KIFAP3: variants seen among roughly 807,000 people sequenced by gnomAD.
The protein encoded by KIFAP3 is kinesin associated protein 3.
A neutral mutation model predicts 106.5 loss-of-function variants in KIFAP3; 68 were observed. That is an observed-to-expected ratio of 0.64 (90% CI 0.53 to 0.78). The LOEUF (loss-of-function observed/expected upper bound fraction) is 0.78, where lower values mean the gene tolerates loss of function less well. Among genes scored for constraint, KIFAP3 ranks in the 30% least tolerant of loss-of-function variants. The probability of loss-of-function intolerance (pLI) is 0.00; values close to 1 mark genes in which losing one functional copy is unlikely to be tolerated. For synonymous variants in KIFAP3, 320 were observed against 311.5 expected (o/e 1.03, Z -0.29); for missense variants, 780 against 941.8 (o/e 0.83, Z 2.25).
chr1:169,978,277 A>T, intron 15 of KIFAP3, 94 bp from the exon 16 acceptor site: 1 of 785,280 alleles, frequency 1.3e-6, no homozygotes, highest in East Asian at 2.7e-5. Flanking sequence ...AGAAAAACTA[A>T]AAGTGATAAG....
At chr1:169,932,172 T>C (rs1264757451) in intron 19 of KIFAP3, among the ~76,000 whole-genome samples, 4 of 152,164 alleles carry the variant, frequency 2.6e-5, no homozygotes, top group African/African-American at 9.7e-5. Flanking sequence ...AGCTAAACTT[T>C]CCAATTTGCT....
At chr1:170,065,137 A>G (rs1385029125) in intron 1 of KIFAP3, among the ~76,000 whole-genome samples, 1 of 152,130 alleles carries the variant, frequency 6.6e-6, no homozygotes, top group African/African-American at 2.4e-5. Flanking sequence ...ACTCCTCTGT[A>G]GTTTTTACAG....
intron 17 of KIFAP3, among the ~76,000 whole-genome samples, chr1:169,969,951 T>C (rs1191746027): frequency 1.3e-5 from 2 of 152,018 alleles, no homozygotes; most frequent in Non-Finnish European, 2.9e-5. Context: ...TAAACATGTA[T>C]TAAATGTCTG....
intron 8 of KIFAP3, among the ~76,000 whole-genome samples, chr1:170,031,209 T>C (rs979446471): frequency 1.3e-5 from 2 of 151,764 alleles, no homozygotes; most frequent in African/African-American, 2.4e-5. Flanking sequence ...TTGAACTAAA[T>C]TACTTGGCTT....
intron 2 of KIFAP3, among the ~76,000 whole-genome samples, 176 bp downstream of exon 2, chr1:170,055,129 C>T (rs967373832): frequency 3.3e-5 from 5 of 152,150 alleles, no homozygotes; most frequent in African/African-American, 1.2e-4. Context: ...CTCATTTTTT[C>T]CTAGGATTAA....
chr1:170,066,406 T>C (rs980357778), intron 1 of KIFAP3, among the ~76,000 whole-genome samples: 3 of 152,128 alleles, frequency 2.0e-5, no homozygotes, highest in African/African-American at 7.2e-5. Flanking sequence ...GACTTGGTAA[T>C]AGAGAAACAG....
rs144607867 is a variant in KIFAP3 at position 169,973,780 on chromosome 1, A to T, written c.1898-1182T>A. Among the ~76,000 whole-genome samples, 26 of 151,970 alleles carry T rather than the reference A, an allele frequency of 1.7e-4. No homozygotes were observed. In the East Asian group the frequency reaches 4.4e-3, roughly 26 times the overall value. The stretch of plus-strand genomic sequence containing the variant: ...AAAGAGAAAAAATAGTTATTTTCAG[A>T]TAAAGACATTTATTATCCATAGATA... On this transcript the variant is annotated intron_variant, in intron 16 of 19. Transcript: ENST00000361580.
In KIFAP3 at chr1:170,003,122, A is replaced by G. The variant is rs994595746; in HGVS notation, c.1184-10867T>C. ...AAAAATGAAATTAAACAAAAGATAT[A>G]TAAAATAGAAGATGCAAATTTTTAT... On this transcript the variant is annotated intron_variant, in intron 10 of 19. Transcript: ENST00000361580. Among the ~76,000 whole-genome samples, 6 of 152,348 alleles carry G rather than the reference A, an allele frequency of 3.9e-5. No individual in the cohort carries two copies. In the East Asian group the frequency reaches 1.2e-3, roughly 29 times the overall value.
At chr1:169,954,585 C>T (rs576688062) in intron 18 of KIFAP3, among the ~76,000 whole-genome samples, 24 of 151,984 alleles carry the variant, frequency 1.6e-4, no homozygotes, top group Non-Finnish European at 2.5e-4. Context: ...ATCAGATATA[C>T]CAAATAAAAT....
At chr1:169,943,782 A>G (rs1664267914) in intron 19 of KIFAP3, among the ~76,000 whole-genome samples, 1 of 152,202 alleles carries the variant, frequency 6.6e-6, no homozygotes. Flanking sequence ...TGTGAAAAGT[A>G]TATGACGTTT....
chr1:169,928,715 A>AAAAAAAAAAAAAAAAAAAAAAAAG (rs1663290062), intron 19 of KIFAP3, among the ~76,000 whole-genome samples: 1 of 150,404 alleles, frequency 6.6e-6, no homozygotes, highest in African/African-American at 2.4e-5. Flanking sequence ...AAAAAAAAAA[A>AAAAAAAAAAAAAAAAAAAAAAAAG]AAAAAATTAA....
At chr1:170,016,212 AC>A (rs756262683) in intron 10 of KIFAP3, among the ~76,000 whole-genome samples, 8 of 152,012 alleles carry the variant, frequency 5.3e-5, no homozygotes, top group South Asian at 2.1e-4. Flanking sequence ...TTGCATCATT[AC>A]TTTTTGGCTT....
At position 170,055,360 on chromosome 1, in the gene KIFAP3, T is replaced by C. The variant is rs1301998185; in HGVS notation, c.109A>G (p.Ile37Val). Reference sequence around the variant, plus strand: ...ATGGGGTCCCCCATTTCTCCAAGAATGGTAGCTTCCACTTCATAGTGAACA... The same window carrying C: ...ATGGGGTCCCCCATTTCTCCAAGAACGGTAGCTTCCACTTCATAGTGAACA... ...LIVHYEVEAT[I>V]LGEMGDPMLG... The change falls in exon 2 of 20, where the codon ATT (isoleucine) becomes GTT (valine). Residue 37 changes from isoleucine to valine, a missense_variant. By Grantham distance (29) the Ile-to-Val change is conservative (BLOSUM62 3). Coordinates refer to ENST00000361580, the MANE Select transcript of KIFAP3 (RefSeq NM_014970.4). The C allele has an allele frequency of 1.9e-6, 3 of 1,611,698 alleles. No homozygotes were observed. The highest frequency in any genetic ancestry group is 1.7e-5 in the Admixed American group (1 of 59,586).
At chr1:170,072,375 G>A (rs1671748064) in intron 1 of KIFAP3, among the ~76,000 whole-genome samples, 1 of 152,096 alleles carries the variant, frequency 6.6e-6, no homozygotes, top group Non-Finnish European at 1.5e-5. Context: ...GTAAGTTTAG[G>A]GAAAAACAAG....
At chr1:169,923,042 A>C in intron 19 of KIFAP3, 5 of 974,750 alleles carry the variant, frequency 5.1e-6, no homozygotes, top group Non-Finnish European at 6.1e-6. Flanking sequence ...AAATGTAAAG[A>C]GCCAAAATAC....
intron 10 of KIFAP3, among the ~76,000 whole-genome samples, chr1:170,000,714 A>G (rs1667622578): frequency 6.6e-6 from 1 of 152,128 alleles, no homozygotes; most frequent in East Asian, 1.9e-4. Context: ...TTAAACTTGA[A>G]TTTGCACAGA....
At chr1:169,923,972 A>G (rs1251123900) in intron 19 of KIFAP3, among the ~76,000 whole-genome samples, 1 of 103,132 alleles carries the variant, frequency 9.7e-6, no homozygotes, top group Non-Finnish European at 1.9e-5. Context: ...TTCTACATTC[A>G]AGTTGCAAAA....
chr1:170,050,136 G>A (rs553797680), intron 2 of KIFAP3, among the ~76,000 whole-genome samples: 1 of 152,266 alleles, frequency 6.6e-6, no homozygotes, highest in Admixed American at 6.5e-5. Flanking sequence ...AACCAGTTTA[G>A]AGAGAAACAT....
intron 1 of KIFAP3, among the ~76,000 whole-genome samples, chr1:170,065,127 ACTC>A (rs1332988571): frequency 6.6e-6 from 1 of 152,006 alleles, no homozygotes; most frequent in African/African-American, 2.4e-5. Flanking sequence ...AGTATGAAAT[ACTC>A]CTCTGTAGTT....
Sources: gnomAD v4.1 joint callset for allele counts (sites outside exome capture counted in the v4.1 genomes callset) on GRCh38, gnomAD v4.1.1 for gene constraint, MANE v1.5 for transcripts, NCBI Gene and HGNC (gene_info 2026-07-23, HGNC 2026-07-21) for gene names.